Variants in TP63 observed in about 807,000 individuals in gnomAD.
TP63 encodes the protein tumor protein 63.
A neutral mutation model predicts 82.8 loss-of-function variants in TP63; 17 were observed. The ratio of observed to expected loss-of-function variants is 0.21; its 90% CI spans 0.14 to 0.31. The LOEUF is 0.31. Ranked by LOEUF, TP63 falls within the 10% of genes least tolerant of loss-of-function variation. TP63 has a pLI of 1.00. For synonymous variants in TP63, 330 were observed against 321.7 expected (o/e 1.03, Z -0.28); for missense variants, 648 against 895.3 (o/e 0.72, Z 3.52).
chr3:189,692,762 G>A (rs146200782), intron 1 of TP63, among the ~76,000 whole-genome samples: 44 of 152,210 alleles, frequency 2.9e-4, no homozygotes, highest in African/African-American at 8.2e-4. Context: ...GAGATGTTGC[G>A]AGCAATGACC....
chr3:189,663,035 T>C (rs886862374), intron 1 of TP63, among the ~76,000 whole-genome samples: 2 of 152,058 alleles, frequency 1.3e-5, no homozygotes, highest in African/African-American at 4.8e-5. Context: ...CAAATTTAAC[T>C]ATTGCAAAAT....
intron 3 of TP63, among the ~76,000 whole-genome samples, chr3:189,742,888 A>C (rs1247962209): frequency 2.0e-5 from 3 of 152,224 alleles, no homozygotes; most frequent in Non-Finnish European, 2.9e-5. Context: ...CATTGCAGAG[A>C]AGGTAATTTT....
At chr3:189,665,053 T>A (rs542311358) in intron 1 of TP63, among the ~76,000 whole-genome samples, 2 of 152,252 alleles carry the variant, frequency 1.3e-5, no homozygotes, top group African/African-American at 4.8e-5. Flanking sequence ...ATAACCAAAC[T>A]CATCACTTCT....
At chr3:189,613,516 G>A in the TP63 span, among the ~76,000 whole-genome samples, 1 of 152,244 alleles carries the variant, frequency 6.6e-6, no homozygotes, top group Admixed American at 6.5e-5. Context: ...GGCTTGGGCA[G>A]TGCAGAAGGG....
intron 1 of TP63, among the ~76,000 whole-genome samples, chr3:189,659,533 A>G (rs1713689379): frequency 6.6e-6 from 1 of 152,006 alleles, no homozygotes; most frequent in Non-Finnish European, 1.5e-5. Flanking sequence ...GGCACATATG[A>G]GTGCATTTTT....
intron 1 of TP63, among the ~76,000 whole-genome samples, chr3:189,649,581 G>A (rs1368181010): frequency 6.8e-6 from 1 of 146,832 alleles, no homozygotes; most frequent in African/African-American, 2.6e-5. Context: ...TGTGACATGA[G>A]TCTACCTATA....
intron 1 of TP63, among the ~76,000 whole-genome samples, chr3:189,709,573 T>A (rs1718443435): frequency 6.6e-6 from 1 of 152,184 alleles, no homozygotes; most frequent in Non-Finnish European, 1.5e-5. Context: ...GAACTTTTTT[T>A]ATTTGCTTTT....
chr3:189,816,759 G>A (rs1184620256), intron 4 of TP63, among the ~76,000 whole-genome samples: 1 of 152,102 alleles, frequency 6.6e-6, no homozygotes, highest in Non-Finnish European at 1.5e-5. Flanking sequence ...TAGAATGATG[G>A]ATCCTGTAAT....
intron 3 of TP63, among the ~76,000 whole-genome samples, chr3:189,756,435 A>G (rs1356433770): frequency 6.6e-6 from 1 of 152,206 alleles, no homozygotes; most frequent in Non-Finnish European, 1.5e-5. Flanking sequence ...GGAAGGCAGC[A>G]CTTTGTTAAA....
chr3:189,874,113 AG>A (rs1718751207), intron 10 of TP63, among the ~76,000 whole-genome samples: 1 of 152,190 alleles, frequency 6.6e-6, no homozygotes, highest in Admixed American at 6.5e-5. Context: ...TCTGTCACCC[AG>A]GTAGGAGTGC....
chr3:189,844,025 C>T (rs1441334369), intron 4 of TP63, among the ~76,000 whole-genome samples: 1 of 152,042 alleles, frequency 6.6e-6, no homozygotes, highest in Admixed American at 6.6e-5. Flanking sequence ...GAGAATGCCC[C>T]CACCCCAACC....
intron 1 of TP63, among the ~76,000 whole-genome samples, chr3:189,712,839 T>C (rs1205242159): frequency 6.6e-6 from 1 of 152,170 alleles, no homozygotes; most frequent in Non-Finnish European, 1.5e-5. Context: ...TATGTTTTAT[T>C]ATGAGATGAG....
intron 1 of TP63, among the ~76,000 whole-genome samples, chr3:189,709,195 A>C (rs1280506761): frequency 6.6e-6 from 1 of 152,214 alleles, no homozygotes; most frequent in Non-Finnish European, 1.5e-5. Flanking sequence ...AGAACAAGGA[A>C]GATACAATAT....
At position 189,808,466 on chromosome 3, in the gene TP63, C is replaced by G. The variant is rs369833293; in HGVS notation, c.519C>G (p.Gly173=). The G allele has an allele frequency of 6.2e-7, 1 of 1,614,216 alleles. No individual in the cohort carries two copies. The highest frequency in any genetic ancestry group is 2.2e-5 in the East Asian group (1 of 44,880). ...PAIPSNTDYP[G]PHSFDVSFQQ... Reference sequence around the variant, plus strand: ...TCCCCTCCAACACCGACTACCCAGGCCCGCACAGTTTCGACGTGTCCTTCC... The same window carrying G: ...TCCCCTCCAACACCGACTACCCAGGGCCGCACAGTTTCGACGTGTCCTTCC... Residue 173 remains glycine, a synonymous_variant, in exon 4 of 14, where the codon GGC becomes GGG. Transcript: ENST00000264731.
At chr3:189,728,281 G>A (rs997596254) in intron 1 of TP63, among the ~76,000 whole-genome samples, 4 of 152,104 alleles carry the variant, frequency 2.6e-5, no homozygotes, top group African/African-American at 9.7e-5. Context: ...TGTTTTTTAA[G>A]TGTCAGTATC....
chr3:189,844,357 C>A, intron 4 of TP63: 1 of 395,512 alleles, frequency 2.5e-6, no homozygotes, highest in South Asian at 1.8e-5. Context: ...ACGACCTCAG[C>A]TCACTGCAAC....
intron 1 of TP63, among the ~76,000 whole-genome samples, chr3:189,673,703 G>A (rs893984883): frequency 1.3e-5 from 2 of 152,048 alleles, no homozygotes; most frequent in Non-Finnish European, 2.9e-5. Context: ...TTTCGTTTCT[G>A]TTATACCTTG....
At chr3:189,793,108 T>G (rs1369900821) in intron 3 of TP63, among the ~76,000 whole-genome samples, 1 of 152,064 alleles carries the variant, frequency 6.6e-6, no homozygotes, top group Non-Finnish European at 1.5e-5. Flanking sequence ...TCCATGCTGT[T>G]GCCATAGATT....
chr3:189,744,448 C>T (rs1721222024), intron 3 of TP63, among the ~76,000 whole-genome samples: 1 of 152,174 alleles, frequency 6.6e-6, no homozygotes. Flanking sequence ...GTTCGCCCAA[C>T]TTGGCCCTAC....
Sources: allele counts gnomAD v4.1 joint callset (sites outside exome capture counted in the v4.1 genomes callset), GRCh38; gene constraint gnomAD v4.1.1; transcripts MANE v1.5; gene names NCBI Gene and HGNC (gene_info 2026-07-23, HGNC 2026-07-21).